The following RAPGEF2 variants were observed in gnomAD, a reference collection of about 807,000 sequenced individuals.
RAPGEF2 encodes the protein Rap guanine nucleotide exchange factor 2, also known as PDZ domain containing guanine nucleotide exchange factor (GEF) 1.
RAPGEF2 carries 54 observed loss-of-function variants against 186.7 expected under a neutral mutation model. The observed-to-expected ratio is 0.29, with a 90% CI of 0.23 to 0.36. The LOEUF is 0.36. RAPGEF2 is among the 10% of genes least tolerant of loss of function. The pLI is 1.00. For missense variants in RAPGEF2, 1,532 were observed against 2,045.0 expected (o/e 0.75, Z 4.84); for synonymous variants, 712 against 705.9 (o/e 1.01, Z -0.14).
At chr4:159,214,398 A>G (rs1346014462) in intron 4 of RAPGEF2, among the ~76,000 whole-genome samples, 1 of 152,242 alleles carries the variant, frequency 6.6e-6, no homozygotes, top group Non-Finnish European at 1.5e-5. Flanking sequence ...ACAGCAGTAG[A>G]TGAAGATTAT....
chr4:159,198,369 TTC>T lies in RAPGEF2; in HGVS notation c.197+5115_197+5116del, dbSNP rs1219959195. On this transcript the variant is annotated intron_variant, in intron 3 of 29. Transcript: ENST00000691494. ...CTCTCTCTTTCCTTCCTTCCTTTTT[TTC>T]TTTCTTTCCTTCCTTCCTTCCTTCC... is the stretch of plus-strand genomic sequence containing the variant. Among the ~76,000 whole-genome samples the T allele has an allele frequency of 2.3e-5, 3 of 131,396 alleles. 1 individual carries two copies. The Admixed American group carries it at 2.3e-4, about 10-fold the overall frequency. 86.2% of individuals were successfully genotyped at this position (131,396 alleles called of 152,430 possible). A position where few individuals can be genotyped will look rare whatever the true frequency, so the allele number is the denominator to read the frequency against.
intron 9 of RAPGEF2, among the ~76,000 whole-genome samples, chr4:159,319,304 A>T (rs1398799222): frequency 6.6e-6 from 1 of 152,154 alleles, no homozygotes; most frequent in East Asian, 1.9e-4. Context: ...TTAGTTTCAT[A>T]AGAGTGCAAA....
At chr4:159,318,532 C>A (rs1296639667) in intron 9 of RAPGEF2, among the ~76,000 whole-genome samples, 1 of 151,956 alleles carries the variant, frequency 6.6e-6, no homozygotes, top group African/African-American at 2.4e-5. Context: ...TTGCGAGCTG[C>A]AGGAAGAAAA....
intron 1 of RAPGEF2, among the ~76,000 whole-genome samples, chr4:159,114,729 G>A (rs979730800): frequency 2.0e-5 from 3 of 152,196 alleles, no homozygotes; most frequent in Non-Finnish European, 2.9e-5. Context: ...TGTGGTAGTA[G>A]CTTAAGGAAG....
chr4:159,280,124 T>C (rs901693914), intron 7 of RAPGEF2, among the ~76,000 whole-genome samples: 2 of 152,224 alleles, frequency 1.3e-5, no homozygotes, highest in African/African-American at 2.4e-5. Context: ...ATAATCCTGC[T>C]TTGACTTACT....
chr4:159,323,060 T>C (rs2017052), intron 10 of RAPGEF2, among the ~76,000 whole-genome samples: 70,218 of 151,984 alleles, frequency 0.46, 16,717 homozygotes, highest in Non-Finnish European at 0.49. Flanking sequence ...AAGTTTTTGA[T>C]ATATTAACTT....
At chr4:159,244,447 A>G (rs1030751126) in intron 7 of RAPGEF2, among the ~76,000 whole-genome samples, 31 of 151,924 alleles carry the variant, frequency 2.0e-4, no homozygotes, top group Admixed American at 4.6e-4. Flanking sequence ...ACTAAGTACT[A>G]TACTAAGTAC....
chr4:159,282,956 A>G lies in RAPGEF2; in HGVS notation c.544-21386A>G, dbSNP rs561019499. ...CATACTGCTGTATCTGTTAAAAAAA[A>G]TGCCTTTTTCTTTGTGAAAGATAAT... On this transcript the variant is annotated intron_variant, in intron 7 of 29. Coordinates refer to ENST00000691494, the MANE Select transcript of RAPGEF2 (RefSeq NM_001394067.2). Among the ~76,000 whole-genome samples, 4 of 152,350 alleles carry G rather than the reference A, an allele frequency of 2.6e-5. No homozygotes were observed. In the East Asian group the frequency reaches 7.7e-4, roughly 29 times the overall value.
intron 7 of RAPGEF2, among the ~76,000 whole-genome samples, chr4:159,249,466 A>AC (rs1250610395): frequency 6.6e-6 from 1 of 151,996 alleles, no homozygotes; most frequent in Non-Finnish European, 1.5e-5. Flanking sequence ...ATTAACCTGA[A>AC]ATGCCTCTCT....
At chr4:159,346,361 C>T (rs972237411) in intron 24 of RAPGEF2, among the ~76,000 whole-genome samples, 1 of 152,172 alleles carries the variant, frequency 6.6e-6, no homozygotes, top group African/African-American at 2.4e-5. Flanking sequence ...CAGTTGACAG[C>T]ATTTATTAAA....
Position 159,104,029 on chromosome 4 carries a change from C to T in RAPGEF2, c.-134C>T, listed in dbSNP as rs1737490829. The T allele has an allele frequency of 6.7e-6, 2 of 297,660 alleles. No individual in the cohort carries two copies. The highest frequency in any genetic ancestry group is 6.5e-5 in the Admixed American group (1 of 15,426). The allele number at this position is 297,660 out of a possible 1,614,324, so 18.4% of individuals were successfully genotyped here. ...CGCCCCCCCGCGGGCCCCGCGCCGC[C>T]GCCGCCGCGGTTTGGCTGATTAGTC... On this transcript the variant is annotated 5_prime_UTR_variant, in exon 1 of 30. Coordinates refer to ENST00000691494, the MANE Select transcript of RAPGEF2 (RefSeq NM_001394067.2).
intron 6 of RAPGEF2, 95 bp downstream of exon 6, chr4:159,241,463 T>C: frequency 1.8e-6 from 1 of 566,730 alleles, no homozygotes; most frequent in Middle Eastern, 5.2e-4. Context: ...GACAAATCTT[T>C]TCAATTATAT....
chr4:159,306,466 T>C (rs1763315205), intron 8 of RAPGEF2, among the ~76,000 whole-genome samples: 1 of 152,202 alleles, frequency 6.6e-6, no homozygotes, highest in Admixed American at 6.5e-5. Context: ...TACTGATTTG[T>C]GCATATTGAT....
chr4:159,122,439 A>G (rs1162209291), intron 1 of RAPGEF2, among the ~76,000 whole-genome samples: 1 of 152,140 alleles, frequency 6.6e-6, no homozygotes, highest in Non-Finnish European at 1.5e-5. Flanking sequence ...AGACTGCACC[A>G]CAGCACTCCA....
At chr4:159,108,215 C>T (rs532746388) in intron 1 of RAPGEF2, among the ~76,000 whole-genome samples, 115 of 152,212 alleles carry the variant, frequency 7.6e-4, no homozygotes, top group African/African-American at 2.7e-3. Flanking sequence ...GAACCTTAGT[C>T]GCCTTCAAAT....
At chr4:159,349,192 T>A (rs1421482398) in intron 25 of RAPGEF2, among the ~76,000 whole-genome samples, 1 of 152,222 alleles carries the variant, frequency 6.6e-6, no homozygotes, top group Non-Finnish European at 1.5e-5. Context: ...AAGGTTTTTT[T>A]AAAAAAGATT....
chr4:159,255,920 C>T (rs1045222428), intron 7 of RAPGEF2, among the ~76,000 whole-genome samples: 1 of 152,046 alleles, frequency 6.6e-6, no homozygotes, highest in Non-Finnish European at 1.5e-5. Flanking sequence ...TAAAATATAA[C>T]CCATCCAGAA....
chr4:159,344,577 A>G (rs894636662), intron 23 of RAPGEF2, among the ~76,000 whole-genome samples: 5 of 152,180 alleles, frequency 3.3e-5, no homozygotes, highest in African/African-American at 7.2e-5. Context: ...CATGTGCTCA[A>G]TGGTTTCCAT....
At chr4:159,295,775 A>G (rs900845912) in intron 7 of RAPGEF2, among the ~76,000 whole-genome samples, 2 of 141,004 alleles carry the variant, frequency 1.4e-5, no homozygotes, top group Non-Finnish European at 3.1e-5. Context: ...GCGCGCGCGC[A>G]TGCACATAAT....
Sources: allele counts gnomAD v4.1 joint callset (sites outside exome capture counted in the v4.1 genomes callset), GRCh38; gene constraint gnomAD v4.1.1; transcripts MANE v1.5; gene names NCBI Gene and HGNC (gene_info 2026-07-23, HGNC 2026-07-21).